B3GALT1: variants seen among roughly 807,000 people sequenced by gnomAD.
B3GALT1 encodes the protein beta-1,3-galactosyltransferase 1.
In B3GALT1, 10 loss-of-function variants were observed where a neutral mutation model predicts 23.2. That is an observed-to-expected ratio of 0.43 (90% CI 0.27 to 0.73). The LOEUF (loss-of-function observed/expected upper bound fraction) is 0.73, where lower values mean the gene tolerates loss of function less well. Ranked by LOEUF, B3GALT1 falls within the 30% of genes least tolerant of loss-of-function variation. The pLI is 0.21. For missense variants in B3GALT1, 299 were observed against 405.4 expected (o/e 0.74, Z 2.25); for synonymous variants, 156 against 141.5 (o/e 1.10, Z -0.73).
intron 2 of B3GALT1, among the ~76,000 whole-genome samples, chr2:167,617,333 C>T (rs1685177856): frequency 1.3e-5 from 2 of 152,082 alleles, no homozygotes; most frequent in South Asian, 4.1e-4. Context: ...CAGCAAACTT[C>T]AGCTTATTAT....
chr2:167,497,003 A>G (rs1447586112), intron 2 of B3GALT1, among the ~76,000 whole-genome samples: 1 of 152,224 alleles, frequency 6.6e-6, no homozygotes, highest in Non-Finnish European at 1.5e-5. Flanking sequence ...ATGTATACAT[A>G]TGTAACAAAC....
At chr2:167,494,293 A>G (rs1699748834) in intron 2 of B3GALT1, among the ~76,000 whole-genome samples, 1 of 151,996 alleles carries the variant, frequency 6.6e-6, no homozygotes, top group Admixed American at 6.6e-5. Flanking sequence ...TGAATTGTTT[A>G]TATAAAAGAT....
chr2:167,439,235 G>T (rs147582852), intron 1 of B3GALT1, among the ~76,000 whole-genome samples: 86 of 152,204 alleles, frequency 5.7e-4, no homozygotes, highest in African/African-American at 1.9e-3. Context: ...TACATTAGCA[G>T]ATTTTGCTTT....
At chr2:167,671,918 A>T (rs1225265777) in intron 3 of B3GALT1, among the ~76,000 whole-genome samples, 10 of 152,234 alleles carry the variant, frequency 6.6e-5, no homozygotes, top group Admixed American at 6.5e-4. Context: ...AAATAAATAA[A>T]ACCATAAATT....
chr2:167,374,679 C>A (rs146324520), intron 1 of B3GALT1, among the ~76,000 whole-genome samples: 1 of 151,936 alleles, frequency 6.6e-6, no homozygotes, highest in Non-Finnish European at 1.5e-5. Context: ...ATGTCTTTTG[C>A]CCATTTTTAG....
chr2:167,700,293 A>G (rs1320888928), intron 3 of B3GALT1, among the ~76,000 whole-genome samples: 2 of 152,166 alleles, frequency 1.3e-5, no homozygotes, highest in African/African-American at 4.8e-5. Flanking sequence ...ACATTTTATG[A>G]AGTAAAATAT....
intron 3 of B3GALT1, among the ~76,000 whole-genome samples, chr2:167,678,108 G>T (rs1686460390): frequency 6.6e-6 from 1 of 152,024 alleles, no homozygotes; most frequent in Non-Finnish European, 1.5e-5. Flanking sequence ...AATCACCCAG[G>T]TAAATACCTA....
intron 2 of B3GALT1, among the ~76,000 whole-genome samples, chr2:167,512,636 A>ACATATATATATATATT (rs1700041027): frequency 2.4e-5 from 2 of 82,210 alleles, no homozygotes; most frequent in Non-Finnish European, 4.6e-5. Flanking sequence ...ATATATATAT[A>ACATATATATATATATT]CATATATATA....
At chr2:167,597,762 A>G (rs754298957) in intron 2 of B3GALT1, among the ~76,000 whole-genome samples, 23 of 152,220 alleles carry the variant, frequency 1.5e-4, no homozygotes, top group Non-Finnish European at 2.9e-4. Flanking sequence ...AGATGTAGAT[A>G]TAGATGTAGA....
rs1696457965 is a variant in B3GALT1, at chr2:167,302,107, T to A, written c.-511+8773T>A. On this transcript the variant is annotated intron_variant, in intron 1 of 4. Transcript: ENST00000392690. ...TTAAATTGTGGCATACACTATTAAA[T>A]CATTGATTTTCAAATGTTGATAACA... Among the ~76,000 whole-genome samples, 3 of 152,176 alleles carry A rather than the reference T, an allele frequency of 2.0e-5. No individual in the cohort carries two copies. The South Asian group carries it at 6.2e-4, about 31-fold the overall frequency.
In B3GALT1 at chr2:167,444,510, G is replaced by A. The variant is rs377148003; in HGVS notation, c.-510-45667G>A. Among the ~76,000 whole-genome samples the A allele has an allele frequency of 1.2e-4, 18 of 152,222 alleles. No homozygotes were observed. In the East Asian group the frequency reaches 1.9e-3, roughly 16 times the overall value. Reference sequence around the variant, plus strand: ...TCCATCTGGTCCTGGACTTTTTTTGGTTGGTAGACTATTAATTATTGCCTC... The same window carrying A: ...TCCATCTGGTCCTGGACTTTTTTTGATTGGTAGACTATTAATTATTGCCTC... On this transcript the variant is annotated intron_variant, in intron 1 of 4. Transcript: ENST00000392690.
intron 4 of B3GALT1, among the ~76,000 whole-genome samples, chr2:167,859,121 A>C (rs1278357028): frequency 6.6e-6 from 1 of 152,132 alleles, no homozygotes; most frequent in Non-Finnish European, 1.5e-5. Flanking sequence ...ATTTCTAATA[A>C]AAAATACTGG....
chr2:167,656,873 C>T (rs890054202), intron 3 of B3GALT1, among the ~76,000 whole-genome samples: 3 of 151,930 alleles, frequency 2.0e-5, no homozygotes, highest in Non-Finnish European at 4.4e-5. Context: ...TTTTGTCTAA[C>T]TAGAGAAATA....
chr2:167,504,533 T>C (rs963520772), intron 2 of B3GALT1, among the ~76,000 whole-genome samples: 10 of 152,082 alleles, frequency 6.6e-5, no homozygotes, highest in Non-Finnish European at 1.2e-4. Flanking sequence ...TAGTGATAAA[T>C]AAAAAGTGAA....
At position 167,443,193 on chromosome 2, in the gene B3GALT1, G is replaced by A. The variant is rs571256575; in HGVS notation, c.-510-46984G>A. 5.3e-3 allele frequency among the ~76,000 whole-genome samples: 801 copies of A among 151,650 alleles called. 2 individuals carry two copies. Among genetic ancestry groups the A allele is most frequent in the Middle Eastern group, 0.017 (5 of 292 alleles). On this transcript the variant is annotated intron_variant, in intron 1 of 4. Coordinates refer to ENST00000392690, the MANE Select transcript of B3GALT1 (RefSeq NM_020981.4). ...AAAGATCAGATAGTTGTAGATATGCGGCGTTATTTCTGAGGGCTCTGTTCT... is the reference window on the plus strand; with the variant it reads ...AAAGATCAGATAGTTGTAGATATGCAGCGTTATTTCTGAGGGCTCTGTTCT...
intron 1 of B3GALT1, among the ~76,000 whole-genome samples, chr2:167,303,682 C>CACACACACACACACACATAG (rs535369991): frequency 2.0e-5 from 3 of 148,834 alleles, no homozygotes; most frequent in East Asian, 4.1e-4. Context: ...CACACACACA[C>CACACACACACACACACATAG]AGAGAGAGAC....
intron 3 of B3GALT1, among the ~76,000 whole-genome samples, chr2:167,732,159 G>A (rs1017116147): frequency 6.6e-5 from 10 of 152,144 alleles, no homozygotes; most frequent in South Asian, 2.1e-4. Flanking sequence ...TGCAACAGAC[G>A]TTTTATGATC....
At chr2:167,662,271 G>A (rs1427938295) in intron 3 of B3GALT1, among the ~76,000 whole-genome samples, 2 of 152,028 alleles carry the variant, frequency 1.3e-5, no homozygotes, top group Admixed American at 6.6e-5. Flanking sequence ...TAAATAGCCT[G>A]TTCTTTAGTA....
chr2:167,726,042 GAGA>G (rs1366837438), intron 3 of B3GALT1, among the ~76,000 whole-genome samples: 5 of 152,320 alleles, frequency 3.3e-5, no homozygotes, highest in Middle Eastern at 3.4e-3. Flanking sequence ...CTTTAAGACA[GAGA>G]TATGTTGGTT....
Sources: gnomAD v4.1 joint callset for allele counts (sites outside exome capture counted in the v4.1 genomes callset) on GRCh38, gnomAD v4.1.1 for gene constraint, MANE v1.5 for transcripts, NCBI Gene and HGNC (gene_info 2026-07-23, HGNC 2026-07-21) for gene names.